Variants in MMP26 observed in about 807,000 individuals in gnomAD.
The protein encoded by MMP26 is matrix metalloproteinase-26.
MMP26 carries 33 observed loss-of-function variants against 31.0 expected under a neutral mutation model. The observed-to-expected ratio is 1.06, with a 90% confidence interval of 0.81 to 1.42. The LOEUF (loss-of-function observed/expected upper bound fraction) is 1.42. Among genes scored for constraint, MMP26 ranks in the 40% most tolerant of loss-of-function variants. MMP26 has a pLI of 0.00. For synonymous variants in MMP26, 122 were observed against 114.9 expected (o/e 1.06, Z -0.40); for missense variants, 347 against 316.1 (o/e 1.10, Z -0.74).
chr11:4,721,706 G>T (rs1848015688), intron 1 of MMP26, among the ~76,000 whole-genome samples: 1 of 152,100 alleles, frequency 6.6e-6, no homozygotes. Context: ...TCCAGTTCTA[G>T]TGTCTATTAT....
chr11:4,992,187 T>G, intron 7 of MMP26, 27 bp from the exon 8 acceptor site: 1 of 1,474,310 alleles, frequency 6.8e-7, no homozygotes, highest in Non-Finnish European at 9.0e-7. Flanking sequence ...TGAAATTTAC[T>G]GTTGTTTTTT....
chr11:4,943,827 AT>A (rs1331121153), intron 2 of MMP26: 1 of 444,996 alleles, frequency 2.2e-6, no homozygotes, highest in East Asian at 7.0e-5. Flanking sequence ...ATGTATCTTT[AT>A]TTTATTTTTC....
At chr11:4,740,968 G>A (rs1029965478) in intron 1 of MMP26, among the ~76,000 whole-genome samples, 26 of 152,132 alleles carry the variant, frequency 1.7e-4, no homozygotes, top group Admixed American at 1.6e-3. Context: ...TGCTTTTGGC[G>A]TTTTCATCAT....
chr11:4,985,918 T>C (rs1846878978), intron 2 of MMP26, among the ~76,000 whole-genome samples: 1 of 152,212 alleles, frequency 6.6e-6, no homozygotes, highest in African/African-American at 2.4e-5. Context: ...TACTCATTGC[T>C]TTCTGCAAAA....
chr11:4,759,424 C>G (rs529139291), intron 1 of MMP26, among the ~76,000 whole-genome samples: 9 of 152,234 alleles, frequency 5.9e-5, no homozygotes, highest in Non-Finnish European at 1.3e-4. Flanking sequence ...ACAATAGCCA[C>G]TGTTGCTAGT....
intron 2 of MMP26, among the ~76,000 whole-genome samples, chr11:4,864,348 A>C (rs1850206169): frequency 1.3e-5 from 2 of 152,184 alleles, no homozygotes; most frequent in Admixed American, 6.6e-5. Flanking sequence ...TTGTGTGGTC[A>C]GGCCTTAAAC....
At position 4,915,548 on chromosome 11, in the gene MMP26, A is replaced by C. The variant is rs536437836; in HGVS notation, c.-144-72520A>C. The C allele has an allele frequency of 1.2e-6, 2 of 1,614,116 alleles. 1 individual carries two copies. Among genetic ancestry groups the C allele is most frequent in the South Asian group, 2.2e-5 (2 of 91,082 alleles). ...GTTGCCCGGGATGGAAACCAGATACATGAAGCACAGTGGGATGGAGATCCA... is the reference window on the plus strand; with the variant it reads ...GTTGCCCGGGATGGAAACCAGATACCTGAAGCACAGTGGGATGGAGATCCA... On this transcript the variant is annotated intron_variant, in intron 2 of 7. Coordinates refer to ENST00000380390, the MANE Select transcript of MMP26 (RefSeq NM_021801.5).
chr11:4,710,719 A>G (rs754035138), intron 1 of MMP26: 112 of 324,052 alleles, frequency 3.5e-4, no homozygotes, highest in Non-Finnish European at 6.0e-4. Flanking sequence ...TGATCCTTTC[A>G]TGAATACTGA....
intron 1 of MMP26, among the ~76,000 whole-genome samples, chr11:4,712,788 T>G (rs970951189): frequency 6.6e-6 from 1 of 150,940 alleles, no homozygotes; most frequent in Non-Finnish European, 1.5e-5. Flanking sequence ...TACTTTATAT[T>G]TTTTCTTATT....
intron 2 of MMP26, among the ~76,000 whole-genome samples, chr11:4,852,548 C>T (rs944998445): frequency 2.3e-4 from 35 of 152,120 alleles, no homozygotes; most frequent in Admixed American, 2.0e-3. Context: ...AAACAAAGAA[C>T]GATCAATAGC....
At chr11:4,723,995 T>G in intron 1 of MMP26, 1 of 718,804 alleles carries the variant, frequency 1.4e-6, no homozygotes, top group Non-Finnish European at 2.5e-6. Context: ...ATGCCTCCCA[T>G]GCCGCTGGAC....
chr11:4,718,525 A>C (rs933717019), intron 1 of MMP26: 2 of 152,312 alleles, frequency 1.3e-5, no homozygotes, highest in Non-Finnish European at 1.5e-5. Flanking sequence ...TTACTTGGTG[A>C]AATAATTTCA....
chr11:4,799,548 T>C (rs556893243), intron 2 of MMP26, among the ~76,000 whole-genome samples: 30 of 152,194 alleles, frequency 2.0e-4, no homozygotes, highest in African/African-American at 7.2e-4. Flanking sequence ...GGTACAAACA[T>C]CCAAAATGTA....
chr11:4,922,951 A>G (rs570191200), intron 2 of MMP26, among the ~76,000 whole-genome samples: 91 of 152,344 alleles, frequency 6.0e-4, no homozygotes, highest in African/African-American at 2.1e-3. Flanking sequence ...ATGATAAAGT[A>G]ACATAAAAAT....
At chr11:4,865,009 A>G (rs1033037843) in intron 2 of MMP26, among the ~76,000 whole-genome samples, 4 of 151,936 alleles carry the variant, frequency 2.6e-5, no homozygotes, top group Non-Finnish European at 2.9e-5. Context: ...TTATTTAACC[A>G]CTCATTCATT....
intron 2 of MMP26, chr11:4,943,408 T>C (rs1564811683): frequency 2.2e-6 from 1 of 452,076 alleles, no homozygotes; most frequent in Admixed American, 2.4e-5. Flanking sequence ...CCCTAGGTGC[T>C]GTGTAGGTGA....
chr11:4,706,439 G>A (rs1847778233), intron 1 of MMP26, among the ~76,000 whole-genome samples: 2 of 151,742 alleles, frequency 1.3e-5, no homozygotes, highest in African/African-American at 2.4e-5. Flanking sequence ...GTGTGTGCCT[G>A]TAGTCTCAGC....
intron 1 of MMP26, among the ~76,000 whole-genome samples, chr11:4,728,883 A>G (rs1848137402): frequency 6.6e-6 from 1 of 152,004 alleles, no homozygotes; most frequent in Non-Finnish European, 1.5e-5. Context: ...TCTATTTTAC[A>G]TATTCAATAT....
intron 1 of MMP26, chr11:4,709,903 T>A (rs951114482): frequency 4.4e-6 from 2 of 456,886 alleles, no homozygotes; most frequent in Admixed American, 4.7e-5. Flanking sequence ...TTCACATTCA[T>A]GGAGTCCTCA....
Sources: gnomAD v4.1 joint callset for allele counts (sites outside exome capture counted in the v4.1 genomes callset) on GRCh38, gnomAD v4.1.1 for gene constraint, MANE v1.5 for transcripts, NCBI Gene and HGNC (gene_info 2026-07-23, HGNC 2026-07-21) for gene names.